The following NELL1 variants were observed in gnomAD, a reference collection of about 807,000 sequenced individuals.
The protein encoded by NELL1 is protein kinase C-binding protein NELL1.
In NELL1, 76 loss-of-function variants were observed where a neutral mutation model predicts 107.4. That is an observed-to-expected ratio of 0.71 (90% CI 0.59 to 0.86). NELL1 has a LOEUF of 0.86. Ranked by LOEUF, NELL1 falls within the 40% of genes least tolerant of loss-of-function variation. The pLI, the probability that NELL1 is intolerant of heterozygous loss-of-function variation, is 0.00. For synonymous variants in NELL1, 353 were observed against 341.2 expected (o/e 1.03, Z -0.38); for missense variants, 1,024 against 1,005.5 (o/e 1.02, Z -0.25).
chr11:21,564,519 C>T (rs551570914), intron 17 of NELL1, among the ~76,000 whole-genome samples: 3 of 152,004 alleles, frequency 2.0e-5, no homozygotes, highest in South Asian at 2.1e-4. Flanking sequence ...CCTACATGTA[C>T]ACTTATACCT....
rs182900417 is a variant in NELL1 at position 21,182,600 on chromosome 11, A to G, written c.1427-46732A>G. Among the ~76,000 whole-genome samples, 116 of 151,990 alleles carry G rather than the reference A, an allele frequency of 7.6e-4. 4 individuals carry two copies. Among genetic ancestry groups the G allele is most frequent in the Admixed American group, 2.0e-3 (30 of 15,280 alleles). ...TACGAAAAGAGCATAAAGTTATCAC[A>G]GAAGTAGACTTTTCAGGTATCACAG... On this transcript the variant is annotated intron_variant, in intron 13 of 19. Coordinates refer to ENST00000357134, the MANE Select transcript of NELL1 (RefSeq NM_006157.5).
intron 2 of NELL1, among the ~76,000 whole-genome samples, chr11:20,686,156 C>T (rs141168935): frequency 5.1e-3 from 775 of 152,160 alleles, no homozygotes; most frequent in African/African-American, 0.018. Flanking sequence ...TGATGTCCAG[C>T]TGTGAATTGT....
At chr11:20,846,461 T>G (rs755849531) in intron 3 of NELL1, among the ~76,000 whole-genome samples, 1 of 152,120 alleles carries the variant, frequency 6.6e-6, no homozygotes, top group Non-Finnish European at 1.5e-5. Flanking sequence ...CCCTTCCAAA[T>G]CTAGGGGTTA....
At chr11:21,469,338 G>A (rs1437397558) in intron 15 of NELL1, among the ~76,000 whole-genome samples, 1 of 151,986 alleles carries the variant, frequency 6.6e-6, no homozygotes, top group Non-Finnish European at 1.5e-5. Flanking sequence ...AAGTGAATAA[G>A]ACTGGGCTGA....
At chr11:20,790,402 C>T (rs1220184465) in intron 3 of NELL1, among the ~76,000 whole-genome samples, 1 of 152,246 alleles carries the variant, frequency 6.6e-6, no homozygotes, top group Non-Finnish European at 1.5e-5. Context: ...CGGAACTCGG[C>T]CCCGACTTTG....
rs1457295181 is a variant in NELL1 at position 21,349,420 on chromosome 11, A to G, written c.1550-21433A>G. Among the ~76,000 whole-genome samples, 10 of 152,202 alleles carry G rather than the reference A, an allele frequency of 6.6e-5. 1 individual carries two copies. The highest frequency in any genetic ancestry group is 1.5e-4 in the Non-Finnish European group (10 of 68,000). Reference sequence around the variant, plus strand: ...GTTTTATCAGCATGAAAAACTGCTCAGGGAATGTACTGCATTCAAAAAAGA... The same window carrying G: ...GTTTTATCAGCATGAAAAACTGCTCGGGGAATGTACTGCATTCAAAAAAGA... On this transcript the variant is annotated intron_variant, in intron 14 of 19. Coordinates refer to ENST00000357134, the MANE Select transcript of NELL1 (RefSeq NM_006157.5).
intron 15 of NELL1, among the ~76,000 whole-genome samples, chr11:21,417,137 A>T (rs1208888739): frequency 6.6e-6 from 1 of 152,088 alleles, no homozygotes; most frequent in African/African-American, 2.4e-5. Context: ...CACAGGACCT[A>T]GAATGTATTC....
At chr11:21,321,895 G>T (rs1210825516) in intron 14 of NELL1, among the ~76,000 whole-genome samples, 1 of 152,198 alleles carries the variant, frequency 6.6e-6, no homozygotes, top group Non-Finnish European at 1.5e-5. Context: ...TTTGAATCTA[G>T]ATTTATGTCA....
chr11:21,395,873 G>T (rs1273425036), intron 15 of NELL1, among the ~76,000 whole-genome samples: 1 of 151,056 alleles, frequency 6.6e-6, no homozygotes, highest in East Asian at 2.0e-4. Flanking sequence ...AATCAACCAA[G>T]TGTGAGAATT....
Position 21,129,385 on chromosome 11 carries a change from AT to A in NELL1, c.1426+15672del, listed in dbSNP as rs555558953. 6.6e-5 allele frequency among the ~76,000 whole-genome samples: 10 copies of A among 152,306 alleles called. 1 individual carries two copies. In the South Asian group the frequency reaches 2.1e-3, roughly 32 times the overall value. ...AGAAAAAAATAGAAAATAGAATTAA[AT>A]GATCTGGCGATTCCACTTATGGGTA... is the stretch of plus-strand genomic sequence containing the variant. On this transcript the variant is annotated intron_variant, in intron 13 of 19. Transcript: ENST00000357134.
chr11:21,276,866 T>A (rs1848876518), intron 14 of NELL1, among the ~76,000 whole-genome samples: 2 of 152,124 alleles, frequency 1.3e-5, no homozygotes, highest in Admixed American at 6.5e-5. Flanking sequence ...TGAAACTGGA[T>A]CCCTTCCTTA....
At chr11:20,999,073 TG>T (rs2134269708) in intron 12 of NELL1, among the ~76,000 whole-genome samples, 1 of 152,326 alleles carries the variant, frequency 6.6e-6, no homozygotes, top group Non-Finnish European at 1.5e-5. Flanking sequence ...TTGGTGTATA[TG>T]GTGGTTTGTG....
intron 15 of NELL1, among the ~76,000 whole-genome samples, chr11:21,507,003 A>G (rs1003972909): frequency 2.0e-5 from 3 of 152,114 alleles, no homozygotes; most frequent in Admixed American, 1.3e-4. Context: ...TCATACTTGT[A>G]TATTTAATCA....
intron 12 of NELL1, among the ~76,000 whole-genome samples, chr11:21,094,067 A>T (rs1854583768): frequency 6.6e-6 from 1 of 152,204 alleles, no homozygotes; most frequent in Non-Finnish European, 1.5e-5. Flanking sequence ...GAGTCTGTAA[A>T]ATCAAAAGCA....
At chr11:21,175,725 T>C (rs1856698211) in intron 13 of NELL1, among the ~76,000 whole-genome samples, 1 of 151,906 alleles carries the variant, frequency 6.6e-6, no homozygotes. Context: ...ATCATGACAA[T>C]GCGACTGTCA....
At chr11:21,424,997 C>T (rs1852784198) in intron 15 of NELL1, among the ~76,000 whole-genome samples, 1 of 152,098 alleles carries the variant, frequency 6.6e-6, no homozygotes, top group African/African-American at 2.4e-5. Flanking sequence ...AACTACAAAC[C>T]AGTATCACTT....
intron 5 of NELL1, among the ~76,000 whole-genome samples, chr11:20,896,140 AC>A (rs796242440): frequency 2.0e-5 from 3 of 151,728 alleles, no homozygotes; most frequent in African/African-American, 7.3e-5. Context: ...ACCCTCTCTC[AC>A]CCTTTCACCT....
chr11:21,202,333 C>A (rs1857288741), intron 13 of NELL1, among the ~76,000 whole-genome samples: 1 of 152,176 alleles, frequency 6.6e-6, no homozygotes, highest in African/African-American at 2.4e-5. Flanking sequence ...AGGGATTAAA[C>A]TTCTTCCTGA....
At chr11:21,411,098 T>C (rs975449127) in intron 15 of NELL1, among the ~76,000 whole-genome samples, 1 of 152,036 alleles carries the variant, frequency 6.6e-6, no homozygotes, top group Non-Finnish European at 1.5e-5. Context: ...AAGGGAGATA[T>C]AGCACTTTTG....
Sources: allele counts gnomAD v4.1 joint callset (sites outside exome capture counted in the v4.1 genomes callset), GRCh38; gene constraint gnomAD v4.1.1; transcripts MANE v1.5; gene names NCBI Gene and HGNC (gene_info 2026-07-23, HGNC 2026-07-21).